The following RB1 variants were observed in gnomAD, a reference collection of about 807,000 sequenced individuals.
The protein encoded by RB1 is retinoblastoma-associated protein.
A neutral mutation model predicts 135.4 loss-of-function variants in RB1; 18 were observed. The observed-to-expected ratio is 0.13, with a 90% CI of 0.09 to 0.20. The LOEUF (loss-of-function observed/expected upper bound fraction) is 0.20, where lower values mean the gene tolerates loss of function less well. Ranked by LOEUF, RB1 falls within the 10% of genes least tolerant of loss-of-function variation. RB1 has a pLI of 1.00. For missense variants in RB1, 868 were observed against 1,110.0 expected, an observed-to-expected ratio of 0.78 and a Z score of 3.10; for synonymous variants, 365 against 373.2, an observed-to-expected ratio of 0.98 and a Z score of 0.25.
At chr13:48,475,369 G>T (rs1949497958) in intron 24 of RB1, among the ~76,000 whole-genome samples, 1 of 152,028 alleles carries the variant, frequency 6.6e-6, no homozygotes, top group African/African-American at 2.4e-5. Context: ...TGGGCCTGCA[G>T]TCATCTCAAG....
At position 48,392,833 on chromosome 13, in the gene RB1, T is replaced by C. The variant is rs140952294; in HGVS notation, c.1695+11390T>C. Among the ~76,000 whole-genome samples, 391 of 152,282 alleles carry C rather than the reference T, an allele frequency of 2.6e-3. 1 individual carries two copies. The highest frequency in any genetic ancestry group is 9.0e-3 in the African/African-American group (372 of 41,550). On this transcript the variant is annotated intron_variant, in intron 17 of 26. Transcript: ENST00000267163. ...GGTGATTTTTTTGTTAGGTGCCAGATATCATGAATTTTGCTTTAGTGGGTC... is the reference window on the plus strand; with the variant it reads ...GGTGATTTTTTTGTTAGGTGCCAGACATCATGAATTTTGCTTTAGTGGGTC...
At chr13:48,328,317 G>T in intron 2 of RB1, 2 of 1,590,262 alleles carry the variant, frequency 1.3e-6, no homozygotes, top group Admixed American at 1.7e-5. Flanking sequence ...AGCAAGAGTT[G>T]GAACAGTTTC....
At chr13:48,332,556 G>A (rs914959458) in intron 2 of RB1, among the ~76,000 whole-genome samples, 1 of 152,222 alleles carries the variant, frequency 6.6e-6, no homozygotes, top group Non-Finnish European at 1.5e-5. Context: ...GGGTGACAGA[G>A]TGAGACCCTG....
intron 6 of RB1, among the ~76,000 whole-genome samples, chr13:48,350,276 C>T (rs565561262): frequency 6.6e-6 from 1 of 152,092 alleles, no homozygotes; most frequent in East Asian, 1.9e-4. Flanking sequence ...AAGGATAGAC[C>T]ATGTGTTAGG....
In RB1 at chr13:48,459,285, C is replaced by T. The variant is rs4151593; in HGVS notation, c.1961-403C>T. ...ACCACTAAAGAACTTATTCATGTAA[C>T]CAAACACCACCTGTTCCCCCAAACA... On this transcript the variant is annotated intron_variant, in intron 19 of 26. Coordinates refer to ENST00000267163, the MANE Select transcript of RB1 (RefSeq NM_000321.3). Among the ~76,000 whole-genome samples the T allele has an allele frequency of 2.8e-3, 428 of 152,196 alleles. 4 individuals carry two copies. The highest frequency in any genetic ancestry group is 5.0e-3 in the Non-Finnish European group (339 of 67,994).
At chr13:48,346,380 G>A (rs936144189) in intron 4 of RB1, among the ~76,000 whole-genome samples, 3 of 125,222 alleles carry the variant, frequency 2.4e-5, no homozygotes, top group African/African-American at 5.0e-5. Flanking sequence ...ATGTGTGTGT[G>A]TGTGTGTGTG....
intron 24 of RB1, among the ~76,000 whole-genome samples, chr13:48,475,000 A>T (rs939038870): frequency 6.6e-6 from 1 of 152,022 alleles, no homozygotes; most frequent in African/African-American, 2.4e-5. Context: ...TAGCCTCCCA[A>T]GTTGCCAGGA....
At chr13:48,326,048 T>G (rs1952284806) in intron 2 of RB1, among the ~76,000 whole-genome samples, 1 of 152,164 alleles carries the variant, frequency 6.6e-6, no homozygotes, top group Non-Finnish European at 1.5e-5. Context: ...TGCACTCTAT[T>G]CCTTTTCTAG....
At chr13:48,313,150 T>C (rs1384907757) in intron 2 of RB1, among the ~76,000 whole-genome samples, 2 of 152,178 alleles carry the variant, frequency 1.3e-5, no homozygotes, top group East Asian at 1.9e-4. Context: ...TATGATAGTA[T>C]TCATATTCAT....
rs558649934 is a variant in RB1, at chr13:48,437,596, G to C, written c.1696-15397G>C. 7.2e-5 allele frequency among the ~76,000 whole-genome samples: 11 copies of C among 152,296 alleles called. No homozygotes were observed. In the South Asian group the frequency reaches 1.7e-3, roughly 23 times the overall value. On this transcript the variant is annotated intron_variant, in intron 17 of 26. Transcript: ENST00000267163. The stretch of plus-strand genomic sequence containing the variant: ...TACTTCCAAGTTCACTCGTGTGGTT[G>C]TTGGCAGGCCTCAGTTCTTTGCTGG...
At chr13:48,404,191 C>G (rs1948718674) in intron 17 of RB1, 1 of 152,092 alleles carries the variant, frequency 6.6e-6, no homozygotes, top group African/African-American at 2.4e-5. Flanking sequence ...AGACACGGGG[C>G]TAGGGTTTCC....
intron 3 of RB1, among the ~76,000 whole-genome samples, chr13:48,343,240 T>A (rs1242649749): frequency 6.6e-6 from 1 of 152,006 alleles, no homozygotes; most frequent in Non-Finnish European, 1.5e-5. Flanking sequence ...ATAAGAAGAG[T>A]TTATTAATGT....
In RB1 at chr13:48,362,010, C is replaced by T. The variant is rs4151485; in HGVS notation, c.719-805C>T. Among the ~76,000 whole-genome samples the T allele has an allele frequency of 1.3e-3, 194 of 149,384 alleles. 1 individual carries two copies. In the East Asian group the frequency reaches 0.018, roughly 14 times the overall value. ...CGCCCAGGCCTGGAGTTCAGTGGCGCGATCTCAGCTCACTGCAAACTCTGC... is the reference window on the plus strand; with the variant it reads ...CGCCCAGGCCTGGAGTTCAGTGGCGTGATCTCAGCTCACTGCAAACTCTGC... On this transcript the variant is annotated intron_variant, in intron 7 of 26. Coordinates refer to ENST00000267163, the MANE Select transcript of RB1 (RefSeq NM_000321.3).
intron 6 of RB1, among the ~76,000 whole-genome samples, chr13:48,349,985 G>T (rs920944977): frequency 6.6e-6 from 1 of 152,066 alleles, no homozygotes; most frequent in Non-Finnish European, 1.5e-5. Context: ...TCAGCAAGAG[G>T]ATATAACAGT....
At chr13:48,408,226 T>C (rs1948757122) in intron 17 of RB1, among the ~76,000 whole-genome samples, 1 of 151,972 alleles carries the variant, frequency 6.6e-6, no homozygotes, top group South Asian at 2.1e-4. Flanking sequence ...GATAGCTCCT[T>C]AAGTAGTGTC....
Position 48,342,577 on chromosome 13 carries a change from G to A in RB1, c.265-22G>A, listed in dbSNP as rs1401555330. On this transcript the variant is annotated intron_variant, in intron 2 of 26. Transcript: ENST00000267163. ...GTGTGAATTATTTAATGAAATATTTGATCTTTATTTTTTGTTCCCAGGGAG... is the reference window on the plus strand; with the variant it reads ...GTGTGAATTATTTAATGAAATATTTAATCTTTATTTTTTGTTCCCAGGGAG... 1.2e-5 allele frequency: 16 copies of A among 1,354,256 alleles called. No homozygotes were observed. In the East Asian group the frequency reaches 3.4e-4, roughly 29 times the overall value. 83.9% of individuals were successfully genotyped at this position (1,354,256 alleles called of 1,614,324 possible).
intron 6 of RB1, among the ~76,000 whole-genome samples, chr13:48,357,781 T>G (rs1952605544): frequency 1.3e-5 from 2 of 152,076 alleles, no homozygotes; most frequent in Admixed American, 1.3e-4. Flanking sequence ...GAGGGTAAGA[T>G]GATGATCAGG....
intron 17 of RB1, among the ~76,000 whole-genome samples, chr13:48,415,516 T>C (rs1948894247): frequency 6.6e-6 from 1 of 152,128 alleles, no homozygotes. Context: ...TGACCTCAAG[T>C]CATCCACCCA....
chr13:48,384,301 T>A (rs2138149526), intron 17 of RB1, among the ~76,000 whole-genome samples: 1 of 152,266 alleles, frequency 6.6e-6, no homozygotes, highest in Admixed American at 6.5e-5. Flanking sequence ...ACATTTTTAA[T>A]CATAAAAACC....
Sources: gnomAD v4.1 joint callset for allele counts (sites outside exome capture counted in the v4.1 genomes callset) on GRCh38, gnomAD v4.1.1 for gene constraint, MANE v1.5 for transcripts, NCBI Gene and HGNC (gene_info 2026-07-23, HGNC 2026-07-21) for gene names.